MAGI2: variants seen among roughly 807,000 people sequenced by gnomAD.
The protein encoded by MAGI2 is membrane associated guanylate kinase, WW and PDZ domain containing 2, also known as membrane-associated guanylate kinase, WW and PDZ domain-containing protein 2.
A neutral mutation model predicts 133.3 loss-of-function variants in MAGI2; 35 were observed. The observed-to-expected ratio is 0.26, with a 90% CI of 0.20 to 0.35. The LOEUF is 0.35. Ranked by LOEUF, MAGI2 falls within the 10% of genes least tolerant of loss-of-function variation. The pLI is 1.00. For missense variants in MAGI2, 1,636 were observed against 1,863.4 expected (o/e 0.88, Z 2.25); for synonymous variants, 729 against 710.6 (o/e 1.03, Z -0.41).
chr7:78,470,588 C>T (rs970268238), intron 6 of MAGI2, among the ~76,000 whole-genome samples: 2 of 152,018 alleles, frequency 1.3e-5, no homozygotes, highest in African/African-American at 2.4e-5. Flanking sequence ...TGCTGTAGAT[C>T]ATTTTTGGGC....
chr7:78,615,898 T>C (rs1025482148), intron 3 of MAGI2: 6 of 152,186 alleles, frequency 3.9e-5, no homozygotes. Flanking sequence ...CTTTCACATA[T>C]TATAAAATAA....
chr7:78,686,560 G>GA (rs5885089), intron 2 of MAGI2, among the ~76,000 whole-genome samples: 43,151 of 136,486 alleles, frequency 0.32, 7,125 homozygotes, highest in East Asian at 0.66. Context: ...GAGGAAAGTG[G>GA]AAAAAAAAAA....
chr7:79,292,770 C>CAAAA (rs199933554), intron 1 of MAGI2, among the ~76,000 whole-genome samples: 679 of 57,342 alleles, frequency 0.012, 197 homozygotes, highest in Middle Eastern at 0.029. Flanking sequence ...TCAATTTCTG[C>CAAAA]AAAAAAAAAA....
At chr7:78,782,367 A>G (rs1826464649) in intron 2 of MAGI2, among the ~76,000 whole-genome samples, 1 of 152,168 alleles carries the variant, frequency 6.6e-6, no homozygotes, top group African/African-American at 2.4e-5. Flanking sequence ...TTGCCTACCC[A>G]CAGTAGGCCG....
At chr7:78,971,225 T>C (rs1478519913) in intron 2 of MAGI2, among the ~76,000 whole-genome samples, 4 of 152,004 alleles carry the variant, frequency 2.6e-5, no homozygotes, top group African/African-American at 7.2e-5. Context: ...CCTCAGCATA[T>C]GGGAGGAGGG....
At chr7:79,363,279 G>A (rs1285411928) in intron 1 of MAGI2, among the ~76,000 whole-genome samples, 2 of 149,620 alleles carry the variant, frequency 1.3e-5, no homozygotes, top group African/African-American at 4.9e-5. Context: ...ATAAATACAT[G>A]CTGATTAAAA....
In MAGI2 at chr7:78,288,229, T is replaced by C. The variant is rs148874933; in HGVS notation, c.1409-31648A>G. Among the ~76,000 whole-genome samples, 284 of 152,308 alleles carry C rather than the reference T, an allele frequency of 1.9e-3. 1 individual carries two copies. Among genetic ancestry groups the C allele is most frequent in the African/African-American group, 6.7e-3 (278 of 41,574 alleles). ...ATTCTTCTACCATGAGACAGGCAGA[T>C]TTAATACATAAATTTAACATGACAA... On this transcript the variant is annotated intron_variant, in intron 9 of 21. Transcript: ENST00000354212.
chr7:79,082,293 T>C (rs1816110783), intron 1 of MAGI2, among the ~76,000 whole-genome samples: 1 of 152,110 alleles, frequency 6.6e-6, no homozygotes, highest in South Asian at 2.1e-4. Flanking sequence ...AAGCATTGCC[T>C]AATCCAAGGT....
chr7:79,211,950 G>A (rs1182915838), intron 1 of MAGI2, among the ~76,000 whole-genome samples: 4 of 151,918 alleles, frequency 2.6e-5, no homozygotes, highest in Admixed American at 6.6e-5. Context: ...AATAATACCT[G>A]TGCATTGCAA....
intron 1 of MAGI2, among the ~76,000 whole-genome samples, chr7:79,163,638 G>A (rs1462434403): frequency 2.6e-5 from 4 of 151,920 alleles, no homozygotes; most frequent in South Asian, 2.1e-4. Flanking sequence ...TTTATGATAA[G>A]GTTTAAATAA....
At chr7:78,560,801 T>G (rs1371868376) in intron 3 of MAGI2, among the ~76,000 whole-genome samples, 2 of 152,214 alleles carry the variant, frequency 1.3e-5, no homozygotes, top group Non-Finnish European at 1.5e-5. Flanking sequence ...CTGGATTATC[T>G]GCTGAGAGCA....
chr7:79,301,740 T>C (rs142875957), intron 1 of MAGI2, among the ~76,000 whole-genome samples: 4 of 152,160 alleles, frequency 2.6e-5, no homozygotes, highest in African/African-American at 9.7e-5. Context: ...TAGAATAATA[T>C]AGTTTGGATA....
chr7:79,356,064 A>G (rs1333654357), intron 1 of MAGI2, among the ~76,000 whole-genome samples: 1 of 152,220 alleles, frequency 6.6e-6, no homozygotes, highest in East Asian at 1.9e-4. Flanking sequence ...TACAGCATCC[A>G]TCTTGCTTAA....
At chr7:79,416,320 A>G (rs940301482) in intron 1 of MAGI2, among the ~76,000 whole-genome samples, 1 of 152,020 alleles carries the variant, frequency 6.6e-6, no homozygotes, top group Admixed American at 6.6e-5. Context: ...ACTTGTTTTC[A>G]TCTTGATTCA....
chr7:79,401,106 T>C (rs1398789639), intron 1 of MAGI2, among the ~76,000 whole-genome samples: 1 of 152,162 alleles, frequency 6.6e-6, no homozygotes, highest in Non-Finnish European at 1.5e-5. Flanking sequence ...CTTCACAGAG[T>C]ATTATGCCAT....
At chr7:78,258,449 A>C (rs1209675457) in intron 9 of MAGI2, among the ~76,000 whole-genome samples, 3 of 152,184 alleles carry the variant, frequency 2.0e-5, no homozygotes, top group African/African-American at 7.2e-5. Context: ...CAACTTAATG[A>C]TTGGAACATT....
At chr7:78,297,840 G>C (rs1417969971) in intron 9 of MAGI2, among the ~76,000 whole-genome samples, 1 of 92,848 alleles carries the variant, frequency 1.1e-5, no homozygotes, top group Non-Finnish European at 2.4e-5. Context: ...GGGGTGGGGG[G>C]AGGGGGAGGG....
intron 3 of MAGI2, among the ~76,000 whole-genome samples, chr7:78,545,212 CTTTTTTTTTT>C (rs71085537): frequency 2.4e-5 from 2 of 83,130 alleles, no homozygotes; most frequent in Non-Finnish European, 2.2e-5. Flanking sequence ...TAACCTGATT[CTTTTTTTTTT>C]TTTTTTTTTT....
chr7:78,229,916 A>G (rs1789788901), intron 10 of MAGI2, among the ~76,000 whole-genome samples: 1 of 152,216 alleles, frequency 6.6e-6, no homozygotes, highest in African/African-American at 2.4e-5. Context: ...GAGGTCCACC[A>G]ATATCTAGTA....
Sources: allele counts gnomAD v4.1 joint callset (sites outside exome capture counted in the v4.1 genomes callset), GRCh38; gene constraint gnomAD v4.1.1; transcripts MANE v1.5; gene names NCBI Gene and HGNC (gene_info 2026-07-23, HGNC 2026-07-21).